TRMT9B: variants seen among roughly 807,000 people sequenced by gnomAD.
TRMT9B encodes probable tRNA methyltransferase 9B.
A neutral mutation model predicts 11.5 loss-of-function variants in TRMT9B; 16 were observed. That is an observed-to-expected ratio of 1.39 (90% CI 0.94 to 2.11). The LOEUF is 2.11. TRMT9B is among the 30% of genes most tolerant of loss of function. The pLI, the probability that TRMT9B is intolerant of heterozygous loss-of-function variation, is 0.00. For synonymous variants in TRMT9B, 274 were observed against 192.4 expected (o/e 1.42, Z -3.51); for missense variants, 941 against 553.8 (o/e 1.70, Z -7.02).
chr8:13,009,881 C>G (rs560881554), intron 3 of TRMT9B, among the ~76,000 whole-genome samples: 1 of 152,262 alleles, frequency 6.6e-6, no homozygotes, highest in East Asian at 1.9e-4. Flanking sequence ...GTAATCCTAG[C>G]ACTTTGGGAG....
chr8:12,992,498 C>G (rs1383425829), intron 2 of TRMT9B, among the ~76,000 whole-genome samples: 5 of 151,902 alleles, frequency 3.3e-5, no homozygotes, highest in African/African-American at 1.2e-4. Context: ...CATATTGTCT[C>G]TGTGGTATCT....
chr8:12,964,400 C>A (rs758804110), intron 1 of TRMT9B, among the ~76,000 whole-genome samples: 1 of 152,168 alleles, frequency 6.6e-6, no homozygotes, highest in Non-Finnish European at 1.5e-5. Context: ...GCCGCAGGAA[C>A]TTCATGTCGA....
At chr8:12,986,002 C>T (rs1446595620) in intron 1 of TRMT9B, among the ~76,000 whole-genome samples, 3 of 152,158 alleles carry the variant, frequency 2.0e-5, no homozygotes, top group East Asian at 1.9e-4. Flanking sequence ...GCTGGGATTA[C>T]AGGCAGGTGT....
intron 1 of TRMT9B, among the ~76,000 whole-genome samples, chr8:12,986,338 C>A (rs147036851): frequency 6.6e-6 from 1 of 152,076 alleles, no homozygotes; most frequent in African/African-American, 2.4e-5. Context: ...CTGTTCTCCA[C>A]GTGTTTGTAC....
chr8:12,950,198 C>T (rs1443530177), intron 1 of TRMT9B, among the ~76,000 whole-genome samples: 1 of 152,138 alleles, frequency 6.6e-6, no homozygotes, highest in Non-Finnish European at 1.5e-5. Flanking sequence ...GACACCACTT[C>T]CAGGATGCCT....
chr8:13,019,084 G>A (rs550277439), intron 4 of TRMT9B, among the ~76,000 whole-genome samples: 1 of 152,242 alleles, frequency 6.6e-6, no homozygotes, highest in East Asian at 1.9e-4. Context: ...TGAAAGTCTG[G>A]AGTATTGATT....
chr8:12,998,690 C>G (rs796591590), intron 2 of TRMT9B, among the ~76,000 whole-genome samples: 13 of 152,348 alleles, frequency 8.5e-5, no homozygotes, highest in African/African-American at 3.1e-4. Flanking sequence ...ACAAAGCCTT[C>G]TTTCTCAGAG....
chr8:12,946,268 C>G (rs1433122648), intron 1 of TRMT9B, among the ~76,000 whole-genome samples: 2 of 151,948 alleles, frequency 1.3e-5, no homozygotes, highest in Non-Finnish European at 2.9e-5. Context: ...GAAGAGACGG[C>G]CTTGGCAATC....
chr8:12,971,475 G>T (rs1448962667), intron 1 of TRMT9B, among the ~76,000 whole-genome samples: 4 of 152,064 alleles, frequency 2.6e-5, no homozygotes, highest in Non-Finnish European at 5.9e-5. Context: ...ATATTGTATT[G>T]GTGTTCCGAC....
At chr8:12,952,612 G>A in intron 1 of TRMT9B, 4 of 856,786 alleles carry the variant, frequency 4.7e-6, no homozygotes, top group Non-Finnish European at 4.2e-6. Context: ...TTTTTAATTA[G>A]TAAGAGGCAA....
At chr8:12,968,528 G>C (rs1049394307) in intron 1 of TRMT9B, among the ~76,000 whole-genome samples, 1 of 152,178 alleles carries the variant, frequency 6.6e-6, no homozygotes, top group South Asian at 2.1e-4. Flanking sequence ...TCTAATAGGT[G>C]GTCTGCATTT....
chr8:12,984,950 A>AAC (rs1489460640), intron 1 of TRMT9B, among the ~76,000 whole-genome samples: 5,498 of 112,290 alleles, frequency 0.049, 133 homozygotes, highest in East Asian at 0.099. Context: ...CACCTCCCTC[A>AAC]ACATACACAC....
intron 2 of TRMT9B, among the ~76,000 whole-genome samples, chr8:12,995,039 C>T (rs542471320): frequency 8.2e-4 from 125 of 152,202 alleles, no homozygotes; most frequent in Non-Finnish European, 1.3e-3. Context: ...AGGCGCAGCT[C>T]CCGACTTCTC....
At chr8:12,950,965 A>C (rs1800559642) in intron 1 of TRMT9B, among the ~76,000 whole-genome samples, 1 of 152,192 alleles carries the variant, frequency 6.6e-6, no homozygotes, top group South Asian at 2.1e-4. Context: ...ATTTTTCGTC[A>C]CTAAGAACGT....
chr8:12,986,323 C>G (rs953008801), intron 1 of TRMT9B, among the ~76,000 whole-genome samples: 1 of 152,232 alleles, frequency 6.6e-6, no homozygotes, highest in Non-Finnish European at 1.5e-5. Flanking sequence ...GGCCATCCTT[C>G]TTTTCTGTTC....
chr8:12,961,189 G>A (rs1196576739), intron 1 of TRMT9B, among the ~76,000 whole-genome samples: 1 of 151,970 alleles, frequency 6.6e-6, no homozygotes, highest in Non-Finnish European at 1.5e-5. Flanking sequence ...AGTAGTGGTG[G>A]ATATGTGACA....
intron 1 of TRMT9B, among the ~76,000 whole-genome samples, chr8:12,966,834 G>C (rs1405202733): frequency 6.6e-6 from 1 of 152,196 alleles, no homozygotes; most frequent in Non-Finnish European, 1.5e-5. Flanking sequence ...GCTGGGTGCA[G>C]TGGGGAAGTC....
chr8:12,972,445 A>T (rs1302251349), intron 1 of TRMT9B, among the ~76,000 whole-genome samples: 1 of 152,176 alleles, frequency 6.6e-6, no homozygotes, highest in Non-Finnish European at 1.5e-5. Context: ...AAAGTGAAAG[A>T]AACTGGAAAC....
chr8:13,019,110 T>C (rs1813341615), intron 4 of TRMT9B, among the ~76,000 whole-genome samples: 1 of 152,116 alleles, frequency 6.6e-6, no homozygotes, highest in South Asian at 2.1e-4. Flanking sequence ...GATTACAATT[T>C]GGGGAGTATT....
Sources: gnomAD v4.1 joint callset for allele counts (sites outside exome capture counted in the v4.1 genomes callset) on GRCh38, gnomAD v4.1.1 for gene constraint, MANE v1.5 for transcripts, NCBI Gene and HGNC (gene_info 2026-07-23, HGNC 2026-07-21) for gene names.